The following MFSD6L variants were observed in gnomAD, a reference collection of about 807,000 sequenced individuals.
The protein encoded by MFSD6L is major facilitator superfamily domain-containing protein 6-like.
MFSD6L carries 9 observed loss-of-function variants against 6.4 expected under a neutral mutation model. The ratio of observed to expected loss-of-function variants is 1.42; its 90% CI spans 0.85 to 2.47. The LOEUF (loss-of-function observed/expected upper bound fraction) is 2.47. Among genes scored for constraint, MFSD6L ranks in the 30% most tolerant of loss-of-function variants. The probability of loss-of-function intolerance (pLI) is 0.00; values close to 1 mark genes in which losing one functional copy is unlikely to be tolerated. For synonymous variants in MFSD6L, 336 were observed against 322.4 expected (o/e 1.04, Z -0.45); for missense variants, 747 against 730.6 (o/e 1.02, Z -0.26).
rs750932704 is a variant in MFSD6L at position 8,798,708 on chromosome 17, G to A, written c.413C>T (p.Ser138Phe). ...VNITSAQESASSHPAKRTAEV... is the reference protein window; with the variant it reads ...VNITSAQESAFSHPAKRTAEV... ...TGCAGTCCTCTTGGCTGGGTGGCTGGAGGCAGACTCTTGGGCCGAGGTGAT... is the reference window on the plus strand; with the variant it reads ...TGCAGTCCTCTTGGCTGGGTGGCTGAAGGCAGACTCTTGGGCCGAGGTGAT... Residue 138 changes from serine (S) to phenylalanine (F), a missense_variant, in exon 1 of 1, where the codon TCC becomes TTC. Ser to Phe is a radical substitution (Grantham distance 155). Transcript: ENST00000329805. The A allele has an allele frequency of 6.2e-7, 1 of 1,614,046 alleles. No individual in the cohort carries two copies. The highest frequency in any genetic ancestry group is 1.7e-5 in the Admixed American group (1 of 60,020).
rs935495173 is a variant in MFSD6L at position 8,797,191 on chromosome 17, G to A, written c.*169C>T. ...AGTTAAATCTCCTTTTACTTCAAAAGTAAAGAAAATCATGCAATGAGATGA... is the reference window on the plus strand; with the variant it reads ...AGTTAAATCTCCTTTTACTTCAAAAATAAAGAAAATCATGCAATGAGATGA... On this transcript the variant is annotated 3_prime_UTR_variant, in exon 1 of 1. Transcript: ENST00000329805. 2 of 499,380 alleles carry A rather than the reference G, an allele frequency of 4.0e-6. No individual in the cohort carries two copies. Among genetic ancestry groups the A allele is most frequent in the African/African-American group, 3.9e-5 (2 of 51,170 alleles). The allele number at this position is 499,380 out of a possible 1,614,324, so 30.9% of individuals were successfully genotyped here.
In MFSD6L at chr17:8,797,294, A is replaced by C. The variant is rs1018205232; in HGVS notation, c.*66T>G. On this transcript the variant is annotated 3_prime_UTR_variant, in exon 1 of 1. Coordinates refer to ENST00000329805, the MANE Select transcript of MFSD6L (RefSeq NM_152599.4). ...TCCAGGGCAGGTTTCTGTCCTCAGCAGGCTGAGTTTTGTTCAGTCCATTCG... is the reference window on the plus strand; with the variant it reads ...TCCAGGGCAGGTTTCTGTCCTCAGCCGGCTGAGTTTTGTTCAGTCCATTCG... 1.4e-6 allele frequency: 2 copies of C among 1,472,592 alleles called. No homozygotes were observed. The highest frequency in any genetic ancestry group is 2.8e-5 in the African/African-American group (2 of 70,936). 91.2% of individuals were successfully genotyped at this position (1,472,592 alleles called of 1,614,324 possible).
At position 8,798,795 on chromosome 17, in the gene MFSD6L, C is replaced by T. The variant is rs1489719530; in HGVS notation, c.326G>A (p.Cys109Tyr). 2 of 1,614,070 alleles carry T rather than the reference C, an allele frequency of 1.2e-6. No homozygotes were observed. The highest frequency in any genetic ancestry group is 1.7e-6 in the Non-Finnish European group (2 of 1,180,020). The change falls in exon 1 of 1, where the codon TGT (cysteine) becomes TAT (tyrosine). Residue 109 changes from cysteine (C) to tyrosine (Y), a missense_variant. Coordinates refer to ENST00000329805, the MANE Select transcript of MFSD6L (RefSeq NM_152599.4). ...GCTGGTCAGGCCGCTGCTTCCATTACAAGGGAAGTGCACCCGATTTTTGTC... is the reference window on the plus strand; with the variant it reads ...GCTGGTCAGGCCGCTGCTTCCATTATAAGGGAAGTGCACCCGATTTTTGTC... ...PVDKNRVHFP[C>Y]NGSSGLTSTD...
In MFSD6L at chr17:8,798,407, G is replaced by T; in HGVS notation, c.714C>A (p.Ser238=). ...TAAAAGTCCGCCGCAACGCCTCCAA[G>T]GACAGGTCAAAAGCCCAGGCTTTCC... ...TKGKAWAFDL[S]LEALRRTFIL... Residue 238 remains serine, a synonymous_variant, in exon 1 of 1, where the codon TCC becomes TCA. Coordinates refer to ENST00000329805, the MANE Select transcript of MFSD6L (RefSeq NM_152599.4). 6.2e-7 allele frequency: 1 copy of T among 1,610,994 alleles called. No individual in the cohort carries two copies. Among genetic ancestry groups the T allele is most frequent in the African/African-American group, 1.3e-5 (1 of 74,852 alleles).
In MFSD6L at chr17:8,799,278, AC is replaced by A. The variant is rs937505120; in HGVS notation, c.-159del. 5 of 548,546 alleles carry A rather than the reference AC, an allele frequency of 9.1e-6. No individual in the cohort carries two copies. The African/African-American group carries it at 1.0e-4, about 11-fold the overall frequency. The allele number at this position is 548,546 out of a possible 1,614,324, so 34.0% of individuals were successfully genotyped here. A position where few individuals can be genotyped will look rare whatever the true frequency, so the allele number is the denominator to read the frequency against. ...GGGCGGCGCCGCGGTCACCAGGTCA[AC>A]GGCCGCCCCCGGCCACAGCCCCCAG... is the stretch of plus-strand genomic sequence containing the variant. On this transcript the variant is annotated 5_prime_UTR_variant, in exon 1 of 1. Coordinates refer to ENST00000329805, the MANE Select transcript of MFSD6L (RefSeq NM_152599.4). The surrounding 1 kb of genome is among the most constrained non-coding windows in gnomAD (Gnocchi z 5.3).
chr17:8,797,218 C>T lies in MFSD6L; in HGVS notation c.*142G>A. The stretch of plus-strand genomic sequence containing the variant: ...AAAGAAAATCATGCAATGAGATGAT[C>T]CTGTTGGGCCTTCAGCACAGACCCA... On this transcript the variant is annotated 3_prime_UTR_variant, in exon 1 of 1. Transcript: ENST00000329805. The T allele has an allele frequency of 1.7e-6, 1 of 578,688 alleles. No individual in the cohort carries two copies. Among genetic ancestry groups the T allele is most frequent in the East Asian group, 3.1e-5 (1 of 31,990 alleles). 35.8% of individuals were successfully genotyped at this position (578,688 alleles called of 1,614,324 possible).
At position 8,798,979 on chromosome 17, in the gene MFSD6L, C is replaced by G; in HGVS notation, c.142G>C (p.Val48Leu). ...TGCTTGGTTCCCATTAGGGTGCCCA[C>G]CCAGGGCGCGGCCAAGCCCAGCTGC... ...LRQLGLAAPW[V>L]GTLMGTKHLI... The change falls in exon 1 of 1, where the codon GTG (valine) becomes CTG (leucine). Residue 48 changes from valine (V) to leucine (L), a missense_variant. Val to Leu is a conservative substitution (Grantham distance 32). Coordinates refer to ENST00000329805, the MANE Select transcript of MFSD6L (RefSeq NM_152599.4). 6.2e-7 allele frequency: 1 copy of G among 1,613,878 alleles called. No individual in the cohort carries two copies. Among genetic ancestry groups the G allele is most frequent in the Non-Finnish European group, 8.5e-7 (1 of 1,179,966 alleles).
chr17:8,798,471 T>C lies in MFSD6L; in HGVS notation c.650A>G (p.Lys217Arg), dbSNP rs1469314364. The C allele has an allele frequency of 6.2e-6, 10 of 1,607,046 alleles. No individual in the cohort carries two copies. Among genetic ancestry groups the C allele is most frequent in the Non-Finnish European group, 8.5e-6 (10 of 1,175,942 alleles). ...KTALPLLPGG[K>R]GPGNPANLSG... ...CAAATTGGCTGGATTCCCGGGCCCT[T>C]TCCCCCCAGGAAGCAAGGGGAGGGC... Residue 217 changes from lysine to arginine, a missense_variant, in exon 1 of 1, where the codon AAA becomes AGA. Transcript: ENST00000329805.
Position 8,799,286 on chromosome 17 carries a change from C to G in MFSD6L, c.-166G>C, listed in dbSNP as rs1398669365. Reference sequence around the variant, plus strand: ...CCGCGGTCACCAGGTCAACGGCCGCCCCCGGCCACAGCCCCCAGGTCCTGC... The same window carrying G: ...CCGCGGTCACCAGGTCAACGGCCGCGCCCGGCCACAGCCCCCAGGTCCTGC... On this transcript the variant is annotated 5_prime_UTR_variant, in exon 1 of 1. Coordinates refer to ENST00000329805, the MANE Select transcript of MFSD6L (RefSeq NM_152599.4). The surrounding 1 kb of genome is among the most constrained non-coding windows in gnomAD (Gnocchi z 5.3). The G allele has an allele frequency of 2.0e-6, 1 of 511,848 alleles. No homozygotes were observed. The highest frequency in any genetic ancestry group is 3.6e-5 in the East Asian group (1 of 27,778). 31.7% of individuals were successfully genotyped at this position (511,848 alleles called of 1,614,324 possible). A position where few individuals can be genotyped will look rare whatever the true frequency, so the allele number is the denominator to read the frequency against.
At position 8,798,917 on chromosome 17, in the gene MFSD6L, G is replaced by A; in HGVS notation, c.204C>T (p.Phe68=). The change falls in exon 1 of 1, where the codon TTC becomes TTT. Residue 68 remains phenylalanine (F), a synonymous_variant. Transcript: ENST00000329805. ...TCCTTTTCCGGTAGCTTTTGGCCAG[G>A]AAGGCACAGACGGGAGCCCAGAAGG... ...IAAFWAPVCA[F]LAKSYRKRRA... 2 of 1,613,972 alleles carry A rather than the reference G, an allele frequency of 1.2e-6. No homozygotes were observed. The highest frequency in any genetic ancestry group is 1.1e-5 in the South Asian group (1 of 91,086).
In MFSD6L at chr17:8,798,764, G is replaced by C; in HGVS notation, c.357C>G (p.Asp119Glu). The C allele has an allele frequency of 6.2e-7, 1 of 1,614,070 alleles. No homozygotes were observed. The highest frequency in any genetic ancestry group is 1.1e-5 in the South Asian group (1 of 91,084). ...CNGSSGLTST[D>E]ALPGVTLPVN... Reference sequence around the variant, plus strand: ...CAGGTAGCGTGACCCCCGGGAGTGCGTCTGTGCTGGTCAGGCCGCTGCTTC... The same window carrying C: ...CAGGTAGCGTGACCCCCGGGAGTGCCTCTGTGCTGGTCAGGCCGCTGCTTC... The change falls in exon 1 of 1, where the codon GAC becomes GAG. Residue 119 changes from aspartate (D) to glutamate (E), a missense_variant. Physicochemically the swap from Asp to Glu is conservative, Grantham distance 45. Coordinates refer to ENST00000329805, the MANE Select transcript of MFSD6L (RefSeq NM_152599.4).
rs754195891 is a variant in MFSD6L at position 8,797,839 on chromosome 17, GT to G, written c.1281del (p.Lys427AsnfsTer12). On this transcript the variant is annotated frameshift_variant, in exon 1 of 1. Transcript: ENST00000329805. LOFTEE classifies it low-confidence loss of function (END_TRUNC). ...AGCCCCACCAGGCCCGTCCTGGACA[GT>G]TTCCTAAGCAATGTAGCTTTGAACG... ...LHPFKATLLR[K>X]LSRTGLVGLG... The G allele has an allele frequency of 5.1e-4, 828 of 1,613,882 alleles. 2 individuals carry two copies. Among genetic ancestry groups the G allele is most frequent in the Non-Finnish European group, 6.6e-4 (777 of 1,179,998 alleles).
Position 8,797,460 on chromosome 17 carries a change from G to A in MFSD6L, c.1661C>T (p.Ser554Leu), listed in dbSNP as rs74899363. 9.1e-3 allele frequency: 14,720 copies of A among 1,613,946 alleles called. 494 individuals are homozygous for A. In the East Asian group the frequency reaches 0.095, roughly 10 times the overall value. Residue 554 changes from serine (S) to leucine (L), a missense_variant, in exon 1 of 1, where the codon TCG (serine) becomes TTG (leucine). Transcript: ENST00000329805. ...ACTCACCTCCATGGACAGCAGCTTC[G>A]AGTACTTGATTTTCCGCTCTCGGGG... is the stretch of plus-strand genomic sequence containing the variant. ...RLPRERKIKY[S>L]KLLSMEVSDT...
chr17:8,797,712 G>A lies in MFSD6L; in HGVS notation c.1409C>T (p.Ala470Val), dbSNP rs2087010706. 6.2e-7 allele frequency: 1 copy of A among 1,613,886 alleles called. No individual in the cohort carries two copies. The highest frequency in any genetic ancestry group is 2.2e-5 in the East Asian group (1 of 44,884). The part of the protein sequence containing the change: ...IQILSAISNR[A>V]LWWAVGASVE... ...TGAGGCCCCCACAGCCCACCACAAA[G>A]CTCTGTTGCTAATGGCACTCAAGAT... is the stretch of plus-strand genomic sequence containing the variant. The change falls in exon 1 of 1, where the codon GCT becomes GTT. Residue 470 changes from alanine (A) to valine (V), a missense_variant. By Grantham distance (64) the Ala-to-Val change is moderately conservative. Coordinates refer to ENST00000329805, the MANE Select transcript of MFSD6L (RefSeq NM_152599.4).
chr17:8,799,095 A>G lies in MFSD6L; in HGVS notation c.26T>C (p.Ile9Thr). Reference sequence around the variant, plus strand: ...CTTGGCCACCCCCAGCGCCCTGCTGATGTCCCACCGGGGGTTGGCACTCAT... The same window carrying G: ...CTTGGCCACCCCCAGCGCCCTGCTGGTGTCCCACCGGGGGTTGGCACTCAT... MSANPRWD[I>T]SRALGVAKLF... The change falls in exon 1 of 1, where the codon ATC (isoleucine) becomes ACC (threonine). Residue 9 changes from isoleucine (I) to threonine (T), a missense_variant. By Grantham distance (89) the Ile-to-Thr change is moderately conservative. Transcript: ENST00000329805. The surrounding 1 kb of genome is among the most constrained non-coding windows in gnomAD (Gnocchi z 5.3). 1 of 1,576,770 alleles carries G rather than the reference A, an allele frequency of 6.3e-7. No individual in the cohort carries two copies. Among genetic ancestry groups the G allele is most frequent in the Non-Finnish European group, 8.6e-7 (1 of 1,161,068 alleles).
At position 8,797,737 on chromosome 17, in the gene MFSD6L, T is replaced by C; in HGVS notation, c.1384A>G (p.Ile462Val). ...GCTCTGTTGCTAATGGCACTCAAGA[T>C]CTGAATGGGGAGGACGGACCACCAG... ...WSWWSVLPIQ[I>V]LSAISNRALW... The change falls in exon 1 of 1, where the codon ATC becomes GTC. Residue 462 changes from isoleucine (I) to valine (V), a missense_variant. Ile to Val is a conservative substitution (Grantham distance 29). Coordinates refer to ENST00000329805, the MANE Select transcript of MFSD6L (RefSeq NM_152599.4). 1.9e-6 allele frequency: 3 copies of C among 1,613,790 alleles called. No individual in the cohort carries two copies. Among genetic ancestry groups the C allele is most frequent in the Non-Finnish European group, 2.5e-6 (3 of 1,179,976 alleles).
chr17:8,797,409 G>A lies in MFSD6L; in HGVS notation c.1712C>T (p.Thr571Ile), dbSNP rs573714372. The A allele has an allele frequency of 3.1e-6, 5 of 1,605,578 alleles. No homozygotes were observed. The African/African-American group carries it at 6.7e-5, about 21-fold the overall frequency. The change falls in exon 1 of 1, where the codon ACA becomes ATA. Residue 571 changes from threonine to isoleucine, a missense_variant. Transcript: ENST00000329805. ...VSDTSDSEQG[T>I]EQDWLVKAMR... ...GGCCTTCACAAGCCAGTCCTGTTCTGTCCCCTGCTCAGAGTCACTGGTGTC... is the reference window on the plus strand; with the variant it reads ...GGCCTTCACAAGCCAGTCCTGTTCTATCCCCTGCTCAGAGTCACTGGTGTC...
Position 8,797,292 on chromosome 17 carries a change from G to A in MFSD6L, c.*68C>T. ...AGTCCAGGGCAGGTTTCTGTCCTCA[G>A]CAGGCTGAGTTTTGTTCAGTCCATT... On this transcript the variant is annotated 3_prime_UTR_variant, in exon 1 of 1. Transcript: ENST00000329805. 2 of 1,468,862 alleles carry A rather than the reference G, an allele frequency of 1.4e-6. No individual in the cohort carries two copies. Among genetic ancestry groups the A allele is most frequent in the African/African-American group, 1.4e-5 (1 of 71,018 alleles). 91.0% of individuals were successfully genotyped at this position (1,468,862 alleles called of 1,614,324 possible).
At position 8,797,292 on chromosome 17, in the gene MFSD6L, GCAGGCTGAGTTTTGTT is replaced by G; in HGVS notation, c.*52_*67del. 1 of 1,468,862 alleles carries G rather than the reference GCAGGCTGAGTTTTGTT, an allele frequency of 6.8e-7. No homozygotes were observed. Among genetic ancestry groups the G allele is most frequent in the East Asian group, 2.3e-5 (1 of 43,482 alleles). The allele number at this position is 1,468,862 out of a possible 1,614,324, so 91.0% of individuals were successfully genotyped here. A position where few individuals can be genotyped will look rare whatever the true frequency, so the allele number is the denominator to read the frequency against. On this transcript the variant is annotated 3_prime_UTR_variant, in exon 1 of 1. Coordinates refer to ENST00000329805, the MANE Select transcript of MFSD6L (RefSeq NM_152599.4). The stretch of plus-strand genomic sequence containing the variant: ...AGTCCAGGGCAGGTTTCTGTCCTCA[GCAGGCTGAGTTTTGTT>G]CAGTCCATTCGTTCCTTGCTGGATC...
Sources: gnomAD v4.1 joint callset for allele counts on GRCh38, gnomAD v4.1.1 for gene constraint, Gnocchi (gnomAD v3.1) non-coding constraint, MANE v1.5 for transcripts, NCBI Gene and HGNC (gene_info 2026-07-23, HGNC 2026-07-21) for gene names.